The following WDPCP variants were observed in gnomAD, a reference collection of about 807,000 sequenced individuals.
WDPCP encodes WD repeat containing planar cell polarity effector, also known as WD repeat-containing and planar cell polarity effector protein fritz homolog.
WDPCP carries 71 observed loss-of-function variants against 93.1 expected under a neutral mutation model. The ratio of observed to expected loss-of-function variants is 0.76; its 90% confidence interval spans 0.63 to 0.93. The LOEUF is 0.93. Among genes scored for constraint, WDPCP ranks in the 40% least tolerant of loss-of-function variants. The pLI is 0.00. For missense variants in WDPCP, 844 were observed against 887.4 expected (o/e 0.95, Z 0.62); for synonymous variants, 315 against 315.0 (o/e 1.00, Z 0.00).
intron 12 of WDPCP, among the ~76,000 whole-genome samples, chr2:63,316,684 G>T (rs1415401034): frequency 6.6e-6 from 1 of 150,954 alleles, no homozygotes; most frequent in Non-Finnish European, 1.5e-5. Context: ...AAAAATAAAA[G>T]AAAAAAAACT....
intron 13 of WDPCP, among the ~76,000 whole-genome samples, chr2:63,298,995 G>C (rs1685111105): frequency 1.3e-5 from 2 of 152,360 alleles, no homozygotes; most frequent in South Asian, 2.1e-4. Context: ...TTGAGGAGGA[G>C]AATGTAGGCT....
chr2:63,287,096 C>T (rs1289646246), intron 13 of WDPCP, among the ~76,000 whole-genome samples: 1 of 152,216 alleles, frequency 6.6e-6, no homozygotes, highest in Non-Finnish European at 1.5e-5. Flanking sequence ...CTTCTGTGCA[C>T]ACCCATTCCT....
chr2:63,284,338 A>T (rs1683820926), intron 13 of WDPCP, among the ~76,000 whole-genome samples: 1 of 152,162 alleles, frequency 6.6e-6, no homozygotes, highest in Admixed American at 6.5e-5. Flanking sequence ...ATAATACTGA[A>T]TCCTATATAT....
chr2:63,599,369 C>G, intron 3 of WDPCP: 1 of 1,457,490 alleles, frequency 6.9e-7, no homozygotes, highest in Non-Finnish European at 9.2e-7. Context: ...ATAACTGAAT[C>G]TGAGTTTGTG....
chr2:63,600,529 A>C (rs765504935), intron 3 of WDPCP, among the ~76,000 whole-genome samples: 2 of 152,306 alleles, frequency 1.3e-5, no homozygotes, highest in Admixed American at 1.3e-4. Flanking sequence ...AATTGTATCT[A>C]CCTCAGAGAG....
intron 2 of WDPCP, 95 bp downstream of exon 2, chr2:63,492,750 GAATGCAACTCC>G: frequency 2.0e-6 from 2 of 990,872 alleles, no homozygotes; most frequent in African/African-American, 3.3e-5. Context: ...AATAAAGAAA[GAATGCAACTCC>G]AGCTGGAGAA....
chr2:63,653,773 T>C (rs926051366), intron 2 of WDPCP, among the ~76,000 whole-genome samples: 1 of 151,942 alleles, frequency 6.6e-6, no homozygotes, highest in African/African-American at 2.4e-5. Context: ...TAGCCAGGTG[T>C]AATGGCGGTG....
intron 14 of WDPCP, among the ~76,000 whole-genome samples, chr2:63,230,298 G>T (rs1258994337): frequency 6.6e-6 from 1 of 152,056 alleles, no homozygotes; most frequent in Admixed American, 6.6e-5. Flanking sequence ...GTATTCCATG[G>T]TGTATATGTG....
chr2:63,704,423 A>G (rs1669115006), intron 2 of WDPCP, among the ~76,000 whole-genome samples: 1 of 152,150 alleles, frequency 6.6e-6, no homozygotes, highest in Admixed American at 6.5e-5. Context: ...TCAGTATGAT[A>G]TTGGCTGTGG....
chr2:63,147,696 C>T (rs948275797), intron 17 of WDPCP, among the ~76,000 whole-genome samples: 5 of 152,140 alleles, frequency 3.3e-5, no homozygotes, highest in East Asian at 1.9e-4. Context: ...AGGCTGGGTG[C>T]GGTGGCTTAT....
rs1575766274 is a variant in WDPCP at position 63,759,253 on chromosome 2, T to G, written n.308+54369A>C. On this transcript the variant is annotated intron_variant and non_coding_transcript_variant, in intron 2 of 4. Coordinates refer to the WDPCP transcript ENST00000467687. ...GGACCTAGCAATCTTGTATTTGTAG[T>G]TTTTTAAAGGACTGCCCCCTAAATT... Among the ~76,000 whole-genome samples, 3 of 152,096 alleles carry G rather than the reference T, an allele frequency of 2.0e-5. No homozygotes were observed. The South Asian group carries it at 6.2e-4, about 31-fold the overall frequency.
chr2:63,665,336 G>T (rs1710270199), intron 2 of WDPCP, among the ~76,000 whole-genome samples: 1 of 152,096 alleles, frequency 6.6e-6, no homozygotes, highest in South Asian at 2.1e-4. Flanking sequence ...ATGTTCCTTG[G>T]CCTGTAAATG....
chr2:63,172,264 G>C (rs894317214), intron 15 of WDPCP, among the ~76,000 whole-genome samples: 6 of 152,206 alleles, frequency 3.9e-5, no homozygotes, highest in Non-Finnish European at 7.3e-5. Context: ...CCAGCACTTT[G>C]AAAGGCCGAG....
intron 2 of WDPCP, chr2:63,752,199 T>C: frequency 2.2e-6 from 1 of 464,256 alleles, no homozygotes. Context: ...CAAAGCTCCT[T>C]TTTTTTTTTG....
At chr2:63,413,519 C>A (rs1227869370) in intron 9 of WDPCP, among the ~76,000 whole-genome samples, 1 of 152,182 alleles carries the variant, frequency 6.6e-6, no homozygotes, top group East Asian at 1.9e-4. Flanking sequence ...AAGATAAGGC[C>A]GGGCATGGTG....
intron 13 of WDPCP, among the ~76,000 whole-genome samples, chr2:63,289,990 A>G (rs1217443865): frequency 6.6e-6 from 1 of 151,782 alleles, no homozygotes; most frequent in Non-Finnish European, 1.5e-5. Context: ...TACACCAAAC[A>G]TAATTAGTTC....
chr2:63,268,509 C>T (rs1479908727), intron 13 of WDPCP, among the ~76,000 whole-genome samples: 1 of 152,210 alleles, frequency 6.6e-6, no homozygotes, highest in East Asian at 1.9e-4. Context: ...CTCTGTCACC[C>T]AGGCTGCAGT....
In WDPCP at chr2:63,702,996, T is replaced by A. The variant is rs1041653294; in HGVS notation, n.309-52158A>T. 1.3e-4 allele frequency among the ~76,000 whole-genome samples: 20 copies of A among 152,068 alleles called. 1 individual carries two copies. Among genetic ancestry groups the A allele is most frequent in the Admixed American group, 1.1e-3 (17 of 15,272 alleles). ...GTTTGGTTTTTTGTCCTTGCAATAG[T>A]TTGCTGAGAATGATGGTTTCAAGCT... On this transcript the variant is annotated intron_variant and non_coding_transcript_variant, in intron 2 of 4. Transcript: ENST00000467687.
chr2:63,185,286 A>C (rs1463788514), intron 14 of WDPCP, among the ~76,000 whole-genome samples: 6 of 152,054 alleles, frequency 3.9e-5, no homozygotes, highest in Admixed American at 2.0e-4. Flanking sequence ...GGGTGTCATA[A>C]CTCCCTGACT....
Sources: allele counts gnomAD v4.1 joint callset (sites outside exome capture counted in the v4.1 genomes callset), GRCh38; gene constraint gnomAD v4.1.1; transcripts MANE v1.5; gene names NCBI Gene and HGNC (gene_info 2026-07-23, HGNC 2026-07-21).